MYO16: variants seen among roughly 807,000 people sequenced by gnomAD.
The protein encoded by MYO16 is unconventional myosin-XVI.
MYO16 carries 94 observed loss-of-function variants against 205.3 expected under a neutral mutation model. That is an observed-to-expected ratio of 0.46 (90% CI 0.39 to 0.54). The LOEUF is 0.54. MYO16 is among the 20% of genes least tolerant of loss of function. The pLI is 0.00. For missense variants in MYO16, 2,315 were observed against 2,387.5 expected (o/e 0.97, Z 0.63); for synonymous variants, 988 against 954.0 (o/e 1.04, Z -0.66).
chr13:109,086,684 A>G (rs1276172046), intron 27 of MYO16, among the ~76,000 whole-genome samples: 3 of 152,188 alleles, frequency 2.0e-5, no homozygotes, highest in East Asian at 3.8e-4. Flanking sequence ...TCAAGATACA[A>G]TATGACAATT....
rs1880631167 is a variant in MYO16 at position 109,207,052 on chromosome 13, C to A, written c.*216C>A. On this transcript the variant is annotated 3_prime_UTR_variant, in exon 35 of 35. Coordinates refer to ENST00000457511, the MANE Select transcript of MYO16 (RefSeq NM_001198950.3). ...CTTTCTTATCCATCTCGTGGTGATA[C>A]ACTCTGATTTTCAAGCTCCTCATTT... 5.6e-6 allele frequency: 3 copies of A among 534,720 alleles called. No individual in the cohort carries two copies. In the South Asian group the frequency reaches 6.8e-5, roughly 12 times the overall value. 33.1% of individuals were successfully genotyped at this position (534,720 alleles called of 1,614,324 possible).
At chr13:108,946,231 T>G (rs539180789) in intron 16 of MYO16, among the ~76,000 whole-genome samples, 1 of 152,298 alleles carries the variant, frequency 6.6e-6, no homozygotes, top group East Asian at 1.9e-4. Context: ...CTCTCTTTAC[T>G]AGATAACTTT....
At chr13:108,706,834 C>A (rs1188657121) in intron 2 of MYO16, among the ~76,000 whole-genome samples, 1 of 152,136 alleles carries the variant, frequency 6.6e-6, no homozygotes, top group Non-Finnish European at 1.5e-5. Flanking sequence ...AGTCTGAAAG[C>A]CATGGCCAAA....
chr13:108,656,238 C>A (rs951536105), intron 1 of MYO16, among the ~76,000 whole-genome samples: 3 of 152,120 alleles, frequency 2.0e-5, no homozygotes, highest in African/African-American at 7.2e-5. Flanking sequence ...CCATACTACT[C>A]TCGTGGTAGG....
intron 32 of MYO16, among the ~76,000 whole-genome samples, chr13:109,145,664 T>A (rs1370396725): frequency 6.6e-6 from 1 of 152,258 alleles, no homozygotes; most frequent in Non-Finnish European, 1.5e-5. Flanking sequence ...ATGCTAATTA[T>A]TTCTAGTTGC....
chr13:108,848,626 C>T (rs1304524965), intron 10 of MYO16, among the ~76,000 whole-genome samples: 1 of 151,876 alleles, frequency 6.6e-6, no homozygotes, highest in Non-Finnish European at 1.5e-5. Flanking sequence ...ATAGCAAAAC[C>T]CCATCTCTAC....
At chr13:109,014,396 G>A (rs528364224) in intron 22 of MYO16, among the ~76,000 whole-genome samples, 48 of 152,290 alleles carry the variant, frequency 3.2e-4, no homozygotes, top group African/African-American at 1.1e-3. Context: ...AAGTCAGGTA[G>A]CATGATGCCT....
chr13:108,811,028 G>A (rs201036796), intron 7 of MYO16, among the ~76,000 whole-genome samples: 83 of 152,214 alleles, frequency 5.5e-4, no homozygotes, highest in Middle Eastern at 3.4e-3. Flanking sequence ...TGAGTTGTAC[G>A]TGAAGTAAAA....
chr13:108,826,645 A>G (rs1283447055), intron 9 of MYO16, among the ~76,000 whole-genome samples: 1 of 152,076 alleles, frequency 6.6e-6, no homozygotes, highest in Non-Finnish European at 1.5e-5. Flanking sequence ...TCAGTGCTAT[A>G]TCTAACAAAA....
chr13:108,667,446 G>A (rs1018403586), intron 2 of MYO16, among the ~76,000 whole-genome samples: 2 of 151,176 alleles, frequency 1.3e-5, no homozygotes, highest in African/African-American at 4.9e-5. Context: ...TTCAGCCATT[G>A]TATCATATTT....
chr13:108,617,725 C>G (rs1348891439), intron 1 of MYO16, among the ~76,000 whole-genome samples: 1 of 152,152 alleles, frequency 6.6e-6, no homozygotes, highest in African/African-American at 2.4e-5. Flanking sequence ...CCAGCAAACG[C>G]TGTGCATAGC....
At chr13:109,099,079 A>G (rs1482980863) in intron 27 of MYO16, among the ~76,000 whole-genome samples, 3 of 152,086 alleles carry the variant, frequency 2.0e-5, no homozygotes, top group Admixed American at 6.5e-5. Context: ...TCAACTTCCA[A>G]TGGTCAGCCA....
chr13:108,988,429 A>G (rs1268234065), intron 20 of MYO16, among the ~76,000 whole-genome samples: 2 of 151,698 alleles, frequency 1.3e-5, no homozygotes, highest in African/African-American at 2.4e-5. Flanking sequence ...TCTCCTGACA[A>G]TGGAATTTTC....
intron 1 of MYO16, among the ~76,000 whole-genome samples, chr13:108,616,769 A>C (rs1319521028): frequency 6.6e-6 from 1 of 152,174 alleles, no homozygotes; most frequent in Admixed American, 6.5e-5. Context: ...TGTAGAAAGA[A>C]AGGAATTGTT....
intron 2 of MYO16, among the ~76,000 whole-genome samples, chr13:108,707,890 T>C (rs1250081463): frequency 6.6e-6 from 1 of 152,142 alleles, no homozygotes; most frequent in African/African-American, 2.4e-5. Context: ...ATTGAAGAGA[T>C]GGGACTAGGG....
At chr13:109,187,870 T>C (rs1879749573) in intron 34 of MYO16, among the ~76,000 whole-genome samples, 1 of 152,194 alleles carries the variant, frequency 6.6e-6, no homozygotes, top group African/African-American at 2.4e-5. Flanking sequence ...TTAGGTCTGG[T>C]TGGTTACTTG....
chr13:108,983,109 A>G (rs944990802), intron 20 of MYO16, among the ~76,000 whole-genome samples: 2 of 152,246 alleles, frequency 1.3e-5, no homozygotes, highest in African/African-American at 4.8e-5. Flanking sequence ...AAATCAAAAC[A>G]AGAAAGGTAG....
At chr13:108,859,828 T>C (rs1878369130) in intron 11 of MYO16, among the ~76,000 whole-genome samples, 1 of 152,086 alleles carries the variant, frequency 6.6e-6, no homozygotes, top group African/African-American at 2.4e-5. Context: ...CCCCACAAAG[T>C]AAACACAAGA....
At chr13:109,035,253 T>C (rs1054591997) in intron 23 of MYO16, among the ~76,000 whole-genome samples, 1 of 152,142 alleles carries the variant, frequency 6.6e-6, no homozygotes, top group Non-Finnish European at 1.5e-5. Flanking sequence ...TTTCAAAAAA[T>C]GCTAACTCCC....
Sources: gnomAD v4.1 joint callset for allele counts (sites outside exome capture counted in the v4.1 genomes callset) on GRCh38, gnomAD v4.1.1 for gene constraint, MANE v1.5 for transcripts, NCBI Gene and HGNC (gene_info 2026-07-23, HGNC 2026-07-21) for gene names.